The following COL19A1 variants were observed in gnomAD, a reference collection of about 807,000 sequenced individuals.
COL19A1 encodes the protein collagen type XIX alpha 1 chain, also known as collagen alpha-1(XIX) chain.
In COL19A1, 159 loss-of-function variants were observed where a neutral mutation model predicts 190.2. The ratio of observed to expected loss-of-function variants is 0.84; its 90% CI spans 0.73 to 0.95. COL19A1 has a LOEUF of 0.95. COL19A1 is among the 40% of genes least tolerant of loss of function. The probability of loss-of-function intolerance (pLI) is 0.00; values close to 1 mark genes in which losing one functional copy is unlikely to be tolerated. For missense variants in COL19A1, 1,418 were observed against 1,431.9 expected (o/e 0.99, Z 0.16); for synonymous variants, 509 against 458.9 (o/e 1.11, Z -1.39).
At chr6:69,870,511 A>G (rs1265486246) in intron 1 of COL19A1, among the ~76,000 whole-genome samples, 1 of 152,216 alleles carries the variant, frequency 6.6e-6, no homozygotes, top group Non-Finnish European at 1.5e-5. Context: ...TCCAGTAGCC[A>G]AAAAAGCACA....
At chr6:69,952,548 G>A (rs1372993189) in intron 9 of COL19A1, among the ~76,000 whole-genome samples, 2 of 151,866 alleles carry the variant, frequency 1.3e-5, no homozygotes, top group East Asian at 1.9e-4. Flanking sequence ...CACTTAAGAA[G>A]TACATCTGAT....
intron 12 of COL19A1, among the ~76,000 whole-genome samples, chr6:70,030,675 A>G (rs1445244375): frequency 6.6e-6 from 1 of 152,182 alleles, no homozygotes; most frequent in Admixed American, 6.5e-5. Flanking sequence ...GCATAGTTTT[A>G]CACAAGCAAA....
chr6:70,134,549 G>A (rs1472972562), intron 18 of COL19A1, among the ~76,000 whole-genome samples: 9 of 152,262 alleles, frequency 5.9e-5, no homozygotes, highest in Middle Eastern at 3.4e-3. Flanking sequence ...TAGACATAGC[G>A]AATATTACAC....
chr6:70,210,627 G>A lies in COL19A1; in HGVS notation c.*3353G>A, dbSNP rs1208085568. Among the ~76,000 whole-genome samples, 1 of 152,112 alleles carries A rather than the reference G, an allele frequency of 6.6e-6. No homozygotes were observed. The highest frequency in any genetic ancestry group is 1.5e-5 in the Non-Finnish European group (1 of 68,010). ...TTAGGTAAGATTTAGCCTTTCTGCA[G>A]TCTGTCTCATCTGTTGGGAACCTGT... On this transcript the variant is annotated 3_prime_UTR_variant, in exon 51 of 51. Transcript: ENST00000620364.
chr6:70,064,578 C>G (rs1161570729), intron 14 of COL19A1, among the ~76,000 whole-genome samples: 4 of 152,140 alleles, frequency 2.6e-5, no homozygotes, highest in African/African-American at 9.7e-5. Flanking sequence ...CTTCACCACT[C>G]CTATTCAACA....
intron 19 of COL19A1, among the ~76,000 whole-genome samples, 167 bp from the exon 20 acceptor site, chr6:70,140,787 A>G (rs1293475043): frequency 6.6e-6 from 1 of 152,066 alleles, no homozygotes; most frequent in African/African-American, 2.4e-5. Flanking sequence ...ATTAATTATC[A>G]TATATTTCCT....
At chr6:70,148,453 A>AAG (rs1290646834) in intron 27 of COL19A1, among the ~76,000 whole-genome samples, 2 of 152,218 alleles carry the variant, frequency 1.3e-5, no homozygotes, top group African/African-American at 2.4e-5. Context: ...AACTGGGGGC[A>AAG]GAGAACACAT....
At chr6:70,117,240 T>C (rs1232366761) in intron 16 of COL19A1, among the ~76,000 whole-genome samples, 1 of 152,172 alleles carries the variant, frequency 6.6e-6, no homozygotes, top group Admixed American at 6.6e-5. Flanking sequence ...TATTGCTCTT[T>C]AGGCTAAGTA....
intron 4 of COL19A1, among the ~76,000 whole-genome samples, chr6:69,923,305 G>A (rs190648877): frequency 1.3e-5 from 2 of 152,182 alleles, no homozygotes; most frequent in Admixed American, 1.3e-4. Flanking sequence ...TCCAACACAT[G>A]GTAGGCTTGA....
At chr6:70,168,792 T>C in intron 40 of COL19A1, 111 bp downstream of exon 40, 1 of 1,120,314 alleles carries the variant, frequency 8.9e-7, no homozygotes, top group Non-Finnish European at 1.3e-6. Context: ...TCAATTAACA[T>C]GCTGGTGGTG....
chr6:70,056,099 C>T (rs925549777), intron 14 of COL19A1, among the ~76,000 whole-genome samples: 13 of 151,970 alleles, frequency 8.6e-5, no homozygotes, highest in Admixed American at 7.9e-4. Flanking sequence ...ATTCCACTGC[C>T]GCTTGTTTTC....
At chr6:69,935,519 A>T (rs1773042100) in intron 7 of COL19A1, among the ~76,000 whole-genome samples, 1 of 152,078 alleles carries the variant, frequency 6.6e-6, no homozygotes, top group South Asian at 2.1e-4. Flanking sequence ...ACCTTGTTCC[A>T]TTCAAATATA....
intron 7 of COL19A1, among the ~76,000 whole-genome samples, chr6:69,936,454 A>G (rs984083017): frequency 6.6e-6 from 1 of 152,170 alleles, no homozygotes; most frequent in Non-Finnish European, 1.5e-5. Context: ...TGTTGTTTGT[A>G]CAAATTATTT....
At chr6:69,966,791 A>G (rs554082770) in intron 11 of COL19A1, among the ~76,000 whole-genome samples, 4 of 152,180 alleles carry the variant, frequency 2.6e-5, no homozygotes, top group East Asian at 3.9e-4. Context: ...TAAAAAAAAA[A>G]AAAAGAAAAA....
At chr6:69,961,080 C>G (rs767296166) in intron 10 of COL19A1, among the ~76,000 whole-genome samples, 1 of 152,100 alleles carries the variant, frequency 6.6e-6, no homozygotes, top group Non-Finnish European at 1.5e-5. Flanking sequence ...ATAATCCCGC[C>G]GCAGGAGAGA....
intron 2 of COL19A1, among the ~76,000 whole-genome samples, chr6:69,887,431 A>C (rs1223306602): frequency 2.6e-5 from 4 of 152,144 alleles, no homozygotes; most frequent in Non-Finnish European, 4.4e-5. Context: ...ACACACACCA[A>C]AGTTGACAAA....
intron 1 of COL19A1, among the ~76,000 whole-genome samples, chr6:69,876,017 T>C (rs183970857): frequency 1.3e-5 from 2 of 150,726 alleles, no homozygotes; most frequent in African/African-American, 4.9e-5. Flanking sequence ...TCTGAGAGAG[T>C]GTCAGATCAG....
intron 2 of COL19A1, among the ~76,000 whole-genome samples, chr6:69,892,286 G>A (rs1447681118): frequency 1.3e-5 from 2 of 152,216 alleles, no homozygotes; most frequent in African/African-American, 4.8e-5. Flanking sequence ...TTTCTGAGCT[G>A]CAGCTGGAGA....
At chr6:70,143,735 A>G (rs1786412628) in intron 23 of COL19A1, among the ~76,000 whole-genome samples, 1 of 151,996 alleles carries the variant, frequency 6.6e-6, no homozygotes, top group Non-Finnish European at 1.5e-5. Flanking sequence ...TAGTGGACAG[A>G]TCTTATGAAA....
Sources: allele counts gnomAD v4.1 joint callset (sites outside exome capture counted in the v4.1 genomes callset), GRCh38; gene constraint gnomAD v4.1.1; transcripts MANE v1.5; gene names NCBI Gene and HGNC (gene_info 2026-07-23, HGNC 2026-07-21).